TNKS1BP1: variants seen among roughly 807,000 people sequenced by gnomAD.
The protein encoded by TNKS1BP1 is CCR4-NOT transcription complex subunit 12, also known as 182 kDa tankyrase-1-binding protein.
In TNKS1BP1, 48 loss-of-function variants were observed where a neutral mutation model predicts 141.1. The ratio of observed to expected loss-of-function variants is 0.34; its 90% CI spans 0.27 to 0.43. TNKS1BP1 has a LOEUF of 0.43. Ranked by LOEUF, TNKS1BP1 falls within the 20% of genes least tolerant of loss-of-function variation. The probability of loss-of-function intolerance (pLI) is 1.00; values close to 1 mark genes in which losing one functional copy is unlikely to be tolerated. For synonymous variants in TNKS1BP1, 875 were observed against 898.2 expected (o/e 0.97, Z 0.46); for missense variants, 2,149 against 2,226.0 (o/e 0.97, Z 0.70).
At position 57,312,547 on chromosome 11, in the gene TNKS1BP1, C is replaced by T. The variant is rs34203865; in HGVS notation, c.2141G>A (p.Ser714Asn). The T allele has an allele frequency of 6.0e-3, 8,950 of 1,497,974 alleles. 28 individuals are homozygous for T. The highest frequency in any genetic ancestry group is 6.9e-3 in the Non-Finnish European group (7,778 of 1,122,674). The allele number at this position is 1,497,974 out of a possible 1,614,324, so 92.8% of individuals were successfully genotyped here. Residue 714 changes from serine (S) to asparagine (N), a missense_variant, in exon 5 of 12, where the codon AGT (serine) becomes AAT (asparagine). Physicochemically the swap from Ser to Asn is conservative, Grantham distance 46. Transcript: ENST00000358252. The stretch of plus-strand genomic sequence containing the variant: ...GCCCATTCTCACCTCAGAGCAGGTA[C>T]TTGGGGACTGTGTGTCCTTCAGCTC... ...GAELKDTQSP[S>N]TCSEGLLGWS...
At position 57,319,980 on chromosome 11, in the gene TNKS1BP1, A is replaced by C. The variant is rs1053294780; in HGVS notation, c.728+99T>G. On this transcript the variant is annotated intron_variant, in intron 3 of 11. Transcript: ENST00000358252. ...AACCAACCTACAGGTAAAAGTCACA[A>C]CCCTATATGGGGCCATGCACTTGGT... 5.3e-6 allele frequency: 8 copies of C among 1,511,152 alleles called. No individual in the cohort carries two copies. In the African/African-American group the frequency reaches 9.6e-5, roughly 18 times the overall value. The allele number at this position is 1,511,152 out of a possible 1,614,324, so 93.6% of individuals were successfully genotyped here.
intron 4 of TNKS1BP1, among the ~76,000 whole-genome samples, chr11:57,315,705 T>C (rs1296926274): frequency 6.6e-6 from 1 of 151,058 alleles, no homozygotes; most frequent in Non-Finnish European, 1.5e-5. Flanking sequence ...TGCTTCCTGT[T>C]CCCTGAGAAC....
chr11:57,302,219 G>A lies in TNKS1BP1; in HGVS notation c.4689C>T (p.Thr1563=), dbSNP rs997112239. 9.3e-6 allele frequency: 15 copies of A among 1,610,574 alleles called. No homozygotes were observed. Among genetic ancestry groups the A allele is most frequent in the East Asian group, 2.2e-5 (1 of 44,790 alleles). Reference sequence around the variant, plus strand: ...GATACATGGCACTGTCGAGGATCTCGGTGTCCTGCTTGGGGCAATGGTGAC... The same window carrying A: ...GATACATGGCACTGTCGAGGATCTCAGTGTCCTGCTTGGGGCAATGGTGAC... ...PSQDFSFIED[T]EILDSAMYRS... Residue 1563 remains threonine (T), a synonymous_variant, in exon 8 of 12, where the codon ACC becomes ACT. Coordinates refer to ENST00000358252, the MANE Select transcript of TNKS1BP1 (RefSeq NM_033396.3). The surrounding 1 kb of genome is among the most constrained non-coding windows in gnomAD (Gnocchi z 5.5).
rs971452028 is a variant in TNKS1BP1, at chr11:57,302,569, A to G, written c.4573T>C (p.Trp1525Arg). 5.6e-6 allele frequency: 9 copies of G among 1,613,076 alleles called. No individual in the cohort carries two copies. Among genetic ancestry groups the G allele is most frequent in the Non-Finnish European group, 7.6e-6 (9 of 1,179,896 alleles). ...CTCCACCTGGCTGCTGAAGAGCCCC[A>G]GGTGCCATCCACGTCTTCTGTCTGG... is the stretch of plus-strand genomic sequence containing the variant. ...ASQTEDVDGT[W>R]GSSAARWSDQ... Residue 1525 changes from tryptophan to arginine, a missense_variant, in exon 7 of 12, where the codon TGG becomes CGG. Physicochemically the swap from Trp to Arg is moderately radical, Grantham distance 101. Transcript: ENST00000358252. The surrounding 1 kb of genome is among the most constrained non-coding windows in gnomAD (Gnocchi z 5.5).
In TNKS1BP1 at chr11:57,308,800, A is replaced by G; in HGVS notation, c.3911T>C (p.Leu1304Pro). 1 of 1,613,892 alleles carries G rather than the reference A, an allele frequency of 6.2e-7. No homozygotes were observed. Among genetic ancestry groups the G allele is most frequent in the Non-Finnish European group, 8.5e-7 (1 of 1,179,972 alleles). The change falls in exon 6 of 12, where the codon CTT becomes CCT. Residue 1304 changes from leucine (L) to proline (P), a missense_variant. Leu to Pro is a moderately conservative substitution (Grantham distance 98, BLOSUM62 -3). Coordinates refer to ENST00000358252, the MANE Select transcript of TNKS1BP1 (RefSeq NM_033396.3). ...ACCCCAGTCCATCTGGCCCACCCCA[A>G]GCTCTTTGGACTCTCCAGGACTGCA... The part of the protein sequence containing the change: ...AVCSPGESKE[L>P]GVGQMDWGNN...
chr11:57,311,769 C>T (rs1402146700), intron 5 of TNKS1BP1, among the ~76,000 whole-genome samples: 2 of 152,262 alleles, frequency 1.3e-5, no homozygotes, highest in East Asian at 3.8e-4. Flanking sequence ...GGGCACTGGG[C>T]CGGGAAACGG....
chr11:57,322,039 C>A, intron 1 of TNKS1BP1, 89 bp from the exon 2 acceptor site: 4 of 944,758 alleles, frequency 4.2e-6, no homozygotes, highest in South Asian at 2.2e-5. Context: ...CTAACAGAGG[C>A]AGAGTGTGGG....
In TNKS1BP1 at chr11:57,308,504, CA is replaced by C. The variant is rs1565039997; in HGVS notation, c.4206del (p.Glu1403ArgfsTer223). 6.2e-7 allele frequency: 1 copy of C among 1,614,186 alleles called. No homozygotes were observed. The highest frequency in any genetic ancestry group is 1.7e-5 in the Admixed American group (1 of 60,030). On this transcript the variant is annotated frameshift_variant, in exon 6 of 12. Transcript: ENST00000358252. LOFTEE classifies it high-confidence loss of function. ...DPLEARELGV[G>X]ETSGPETQGE... The stretch of plus-strand genomic sequence containing the variant: ...CCCTGGGTCTCTGGCCCACTTGTCT[CA>C]CCAACCCCCAGCTCCCTGGCCTCCA...
At chr11:57,316,129 TC>T (rs1319084033) in intron 4 of TNKS1BP1, among the ~76,000 whole-genome samples, 5 of 152,172 alleles carry the variant, frequency 3.3e-5, no homozygotes, top group Admixed American at 3.3e-4. Context: ...ACTACTCTCG[TC>T]AAGGTCACGG....
At chr11:57,323,572 C>T (rs1312078311) in intron 1 of TNKS1BP1, among the ~76,000 whole-genome samples, 1 of 152,190 alleles carries the variant, frequency 6.6e-6, no homozygotes, top group African/African-American at 2.4e-5. Context: ...CACCCCTCCC[C>T]TAACGCTGAC....
At chr11:57,321,749 C>G in intron 2 of TNKS1BP1, 43 bp downstream of exon 2, 6 of 1,110,330 alleles carry the variant, frequency 5.4e-6, no homozygotes, top group South Asian at 1.3e-5. Flanking sequence ...GTCCTTCCCA[C>G]CCCCCTCCCA....
intron 1 of TNKS1BP1, among the ~76,000 whole-genome samples, chr11:57,322,636 G>A (rs950743642): frequency 6.6e-6 from 1 of 152,238 alleles, no homozygotes; most frequent in Non-Finnish European, 1.5e-5. Context: ...TAAAGCCAGG[G>A]CCTAGTCCTG....
chr11:57,313,356 C>T lies in TNKS1BP1; in HGVS notation c.1332G>A (p.Gly444=), dbSNP rs1423854197. ...CTTGGGGCAGGGCAGCCAGCGAGCC[C>T]CCCAGCTTCTCCTGGTCCTGACTGG... The part of the protein sequence containing the change: ...QSPSQDQEKL[G]GSLAALPQGQ... The change falls in exon 5 of 12, where the codon GGG becomes GGA. Residue 444 remains glycine (G), a synonymous_variant. Transcript: ENST00000358252. 10 of 1,612,696 alleles carry T rather than the reference C, an allele frequency of 6.2e-6. No individual in the cohort carries two copies. The South Asian group carries it at 7.7e-5, about 12-fold the overall frequency.
chr11:57,305,941 G>A (rs1042388480), intron 6 of TNKS1BP1, among the ~76,000 whole-genome samples: 4 of 152,142 alleles, frequency 2.6e-5, no homozygotes, highest in East Asian at 1.9e-4. Context: ...AGGACTTCTC[G>A]TTACAAAGGG....
chr11:57,318,338 T>C (rs903420638), intron 3 of TNKS1BP1, among the ~76,000 whole-genome samples: 1 of 152,136 alleles, frequency 6.6e-6, no homozygotes, highest in African/African-American at 2.4e-5. Context: ...AAGTTGTTCT[T>C]AAGCCCTACT....
chr11:57,319,946 A>G (rs1855855823), intron 3 of TNKS1BP1, 133 bp downstream of exon 3: 1 of 1,183,872 alleles, frequency 8.4e-7, no homozygotes, highest in Non-Finnish European at 1.2e-6. Flanking sequence ...GCCTGTACTC[A>G]CAGCACACAA....
In TNKS1BP1 at chr11:57,320,205, G is replaced by T. The variant is rs1855862253; in HGVS notation, c.602C>A (p.Thr201Asn). 1 of 1,614,098 alleles carries T rather than the reference G, an allele frequency of 6.2e-7. No homozygotes were observed. The highest frequency in any genetic ancestry group is 1.7e-5 in the Admixed American group (1 of 60,002). The change falls in exon 3 of 12, where the codon ACC becomes AAC. Residue 201 changes from threonine to asparagine, a missense_variant. Transcript: ENST00000358252. ...CCTGGGAGCAGTGGTCGTGCCATAGGTCCTGGGGCCATATCGCGAGCTGCC... is the reference window on the plus strand; with the variant it reads ...CCTGGGAGCAGTGGTCGTGCCATAGTTCCTGGGGCCATATCGCGAGCTGCC... ...HDGSSRYGPR[T>N]YGTTTAPRDE...
At position 57,320,292 on chromosome 11, in the gene TNKS1BP1, C is replaced by T. The variant is rs761188899; in HGVS notation, c.515G>A (p.Arg172Gln). The change falls in exon 3 of 12, where the codon CGG (arginine) becomes CAG (glutamine). Residue 172 changes from arginine to glutamine, a missense_variant. Coordinates refer to ENST00000358252, the MANE Select transcript of TNKS1BP1 (RefSeq NM_033396.3). ...GTCGGGGCTGGCAAGGACCTCCTTCCGAGGCTGCTCCATCTTGGCCAGGAT... is the reference window on the plus strand; with the variant it reads ...GTCGGGGCTGGCAAGGACCTCCTTCTGAGGCTGCTCCATCTTGGCCAGGAT... ...EEILAKMEQP[R>Q]KEVLASPDRL... 5.0e-6 allele frequency: 8 copies of T among 1,614,188 alleles called. No homozygotes were observed. Among genetic ancestry groups the T allele is most frequent in the Middle Eastern group, 1.6e-4 (1 of 6,062 alleles).
At chr11:57,307,040 C>T (rs977407329) in intron 6 of TNKS1BP1, among the ~76,000 whole-genome samples, 2 of 152,088 alleles carry the variant, frequency 1.3e-5, no homozygotes, top group African/African-American at 2.4e-5. Flanking sequence ...GACCCTCCAG[C>T]GGAGAGGATA....
Sources: gnomAD v4.1 joint callset for allele counts (sites outside exome capture counted in the v4.1 genomes callset) on GRCh38, gnomAD v4.1.1 for gene constraint, Gnocchi (gnomAD v3.1) non-coding constraint, MANE v1.5 for transcripts, NCBI Gene and HGNC (gene_info 2026-07-23, HGNC 2026-07-21) for gene names.